MTG2: variants seen among roughly 807,000 people sequenced by gnomAD.
The protein encoded by MTG2 is mitochondrial ribosome associated GTPase 2, also known as mitochondrial ribosome-associated GTPase 2.
A neutral mutation model predicts 28.6 loss-of-function variants in MTG2; 23 were observed. The ratio of observed to expected loss-of-function variants is 0.80; its 90% confidence interval spans 0.58 to 1.14. The LOEUF (loss-of-function observed/expected upper bound fraction) is 1.14, where lower values mean the gene tolerates loss of function less well. MTG2 is among the 50% of genes most tolerant of loss of function. MTG2 has a pLI of 0.00. For missense variants in MTG2, 539 were observed against 552.0 expected, an observed-to-expected ratio of 0.98 and a Z score of 0.24; for synonymous variants, 260 against 251.8, an observed-to-expected ratio of 1.03 and a Z score of -0.31.
In MTG2 at chr20:62,201,095, C is replaced by A. The variant is rs767337108; in HGVS notation, c.*18C>A. 2 of 1,566,410 alleles carry A rather than the reference C, an allele frequency of 1.3e-6. No individual in the cohort carries two copies. The highest frequency in any genetic ancestry group is 2.3e-5 in the South Asian group (2 of 86,204). On this transcript the variant is annotated 3_prime_UTR_variant, in exon 7 of 7. Transcript: ENST00000370823. ...GGTGGTAGCCACGCCAGAGCGGGGT[C>A]GCCTCTGGGCCTCTGTCTGAGCAAA...
chr20:62,194,282 G>A (rs2058018803), intron 2 of MTG2, among the ~76,000 whole-genome samples: 1 of 152,180 alleles, frequency 6.6e-6, no homozygotes, highest in Admixed American at 6.5e-5. Context: ...CTGCTGAATG[G>A]AGGGGCTCCA....
chr20:62,200,811 A>T lies in MTG2; in HGVS notation c.955A>T (p.Thr319Ser). ...GGATCTTTCTCAGCCTGAGCCGTGGACTCAAGTTGACGATTTAAAATATGA... is the reference window on the plus strand; with the variant it reads ...GGATCTTTCTCAGCCTGAGCCGTGGTCTCAAGTTGACGATTTAAAATATGA... The part of the protein sequence containing the change: ...VVDLSQPEPW[T>S]QVDDLKYELE... The change falls in exon 7 of 7, where the codon ACT becomes TCT. Residue 319 changes from threonine (T) to serine (S), a missense_variant. Transcript: ENST00000370823. 6.2e-7 allele frequency: 1 copy of T among 1,613,824 alleles called. No homozygotes were observed. The highest frequency in any genetic ancestry group is 1.3e-5 in the African/African-American group (1 of 75,000).
intron 1 of MTG2, among the ~76,000 whole-genome samples, chr20:62,189,986 T>C (rs947009160): frequency 6.6e-6 from 1 of 152,226 alleles, no homozygotes; most frequent in African/African-American, 2.4e-5. Flanking sequence ...AATGAAATTA[T>C]TTATATGGTT....
chr20:62,199,814 C>A (rs2058132497), intron 6 of MTG2, among the ~76,000 whole-genome samples: 1 of 151,082 alleles, frequency 6.6e-6, no homozygotes, highest in South Asian at 2.1e-4. Context: ...CCTGCCTCAG[C>A]CTCCCAAGTA....
intron 1 of MTG2, among the ~76,000 whole-genome samples, chr20:62,190,864 T>C (rs2057944992): frequency 6.6e-6 from 1 of 152,134 alleles, no homozygotes; most frequent in African/African-American, 2.4e-5. Flanking sequence ...CTGTAAAATA[T>C]ATTTACAGGA....
intron 1 of MTG2, among the ~76,000 whole-genome samples, chr20:62,192,829 A>G (rs766519580): frequency 2.6e-5 from 4 of 152,062 alleles, no homozygotes; most frequent in Non-Finnish European, 4.4e-5. Flanking sequence ...TTCTCATTCT[A>G]TCGGTGCCAC....
chr20:62,194,753 A>T (rs1760053), intron 2 of MTG2, among the ~76,000 whole-genome samples: 2,787 of 152,288 alleles, frequency 0.018, 78 homozygotes, highest in African/African-American at 0.061. Flanking sequence ...CGTGGGCAGA[A>T]GCCAGGTGTC....
chr20:62,191,480 C>T (rs1380764639), intron 1 of MTG2, among the ~76,000 whole-genome samples: 2 of 152,182 alleles, frequency 1.3e-5, no homozygotes, highest in Non-Finnish European at 2.9e-5. Context: ...ACTCTTCTTC[C>T]AGCTTTTCTG....
chr20:62,191,981 C>G (rs904196308), intron 1 of MTG2, among the ~76,000 whole-genome samples: 1 of 152,214 alleles, frequency 6.6e-6, no homozygotes, highest in African/African-American at 2.4e-5. Flanking sequence ...GCTGTGCCAA[C>G]CCTGTCGCTC....
chr20:62,183,628 A>G (rs1306845336), intron 1 of MTG2, among the ~76,000 whole-genome samples: 1 of 152,066 alleles, frequency 6.6e-6, no homozygotes, highest in Non-Finnish European at 1.5e-5. Context: ...TTCTATTCCC[A>G]TTTACGTTCT....
chr20:62,199,331 A>G, intron 6 of MTG2, 74 bp downstream of exon 6: 4 of 1,531,628 alleles, frequency 2.6e-6, no homozygotes, highest in South Asian at 1.2e-5. Flanking sequence ...GTAACTCTTA[A>G]ATTTAGCTTT....
chr20:62,198,852 G>A lies in MTG2; in HGVS notation c.687G>A (p.Met229Ile). ...LELKTVAHAGMVGFPNAGKSS... is the reference protein window; with the variant it reads ...LELKTVAHAGIVGFPNAGKSS... ...TCAAGACGGTGGCCCACGCCGGAAT[G>A]GTAGGTGTCCCCACTGCCAACAGCA... The change falls in exon 5 of 7, where the codon ATG becomes ATA. Residue 229 changes from methionine (M) to isoleucine (I), a missense_variant and splice_region_variant. Transcript: ENST00000370823. The A allele has an allele frequency of 1.9e-6, 3 of 1,613,968 alleles. No individual in the cohort carries two copies. Among genetic ancestry groups the A allele is most frequent in the Non-Finnish European group, 2.5e-6 (3 of 1,180,018 alleles).
Position 62,198,828 on chromosome 20 carries a change from CAA to C in MTG2, c.664_665del (p.Lys222AspfsTer94). On this transcript the variant is annotated frameshift_variant, in exon 5 of 7. Transcript: ENST00000370823. LOFTEE classifies it high-confidence loss of function. Reference sequence around the variant, plus strand: ...AGCAGCGAGTTCTCCACCTGGAGCTCAAGACGGTGGCCCACGCCGGAATGGTA... The same window carrying C: ...AGCAGCGAGTTCTCCACCTGGAGCTCGACGGTGGCCCACGCCGGAATGGTA... ...GQQRVLHLEL[K>X]TVAHAGMVGF... 20 of 1,614,158 alleles carry C rather than the reference CAA, an allele frequency of 1.2e-5. No homozygotes were observed. Among genetic ancestry groups the C allele is most frequent in the Non-Finnish European group, 1.7e-5 (20 of 1,180,058 alleles).
At position 62,199,133 on chromosome 20, in the gene MTG2, C is replaced by T. The variant is rs376556754; in HGVS notation, c.702C>T (p.Asn234=). 611 of 1,613,998 alleles carry T rather than the reference C, an allele frequency of 3.8e-4. No homozygotes were observed. Among genetic ancestry groups the T allele is most frequent in the Non-Finnish European group, 4.6e-4 (541 of 1,180,026 alleles). Residue 234 remains asparagine (N), a synonymous_variant, in exon 6 of 7, where the codon AAC becomes AAT. Coordinates refer to ENST00000370823, the MANE Select transcript of MTG2 (RefSeq NM_015666.4). ...CTTTCCCCCAGGTGGGATTCCCCAA[C>T]GCCGGGAAGTCCTCACTGCTCCGGG... The part of the protein sequence containing the change: ...VAHAGMVGFP[N]AGKSSLLRAI...
At chr20:62,197,327 A>G (rs1054099769) in intron 3 of MTG2, 2 of 152,362 alleles carry the variant, frequency 1.3e-5, no homozygotes, top group African/African-American at 4.8e-5. Context: ...AGCCCAGGAC[A>G]CAGATGTTGC....
At position 62,197,883 on chromosome 20, in the gene MTG2, C is replaced by G. The variant is rs1246749467; in HGVS notation, c.384C>G (p.Val128=). 3 of 1,614,090 alleles carry G rather than the reference C, an allele frequency of 1.9e-6. No individual in the cohort carries two copies. Among genetic ancestry groups the G allele is most frequent in the African/African-American group, 1.3e-5 (1 of 74,934 alleles). Residue 128 remains valine (V), a synonymous_variant, in exon 4 of 7, where the codon GTC becomes GTG. Transcript: ENST00000370823. ...VDQQVKSLSS[V]LSRYQGFSGE... ...AGCAAGTCAAGTCCCTGTCGTCGGT[C>G]CTGTCGCGGTACCAGGGTTTCAGTG...
At chr20:62,185,444 T>C (rs2057823129) in intron 1 of MTG2, among the ~76,000 whole-genome samples, 1 of 146,962 alleles carries the variant, frequency 6.8e-6, no homozygotes, top group East Asian at 2.0e-4. Flanking sequence ...AAAAATAAAA[T>C]ATATACACAT....
rs370874974 is a variant in MTG2 at position 62,199,136 on chromosome 20, C to G, written c.705C>G (p.Ala235=). ...AHAGMVGFPN[A]GKSSLLRAIS... is the part of the protein sequence containing the mutation. Reference sequence around the variant, plus strand: ...TCCCCCAGGTGGGATTCCCCAACGCCGGGAAGTCCTCACTGCTCCGGGCCA... The same window carrying G: ...TCCCCCAGGTGGGATTCCCCAACGCGGGGAAGTCCTCACTGCTCCGGGCCA... The change falls in exon 6 of 7, where the codon GCC becomes GCG. Residue 235 remains alanine, a synonymous_variant. Transcript: ENST00000370823. 6.2e-7 allele frequency: 1 copy of G among 1,614,134 alleles called. No individual in the cohort carries two copies. The highest frequency in any genetic ancestry group is 1.3e-5 in the African/African-American group (1 of 75,062).
chr20:62,189,866 C>T (rs751094438), intron 1 of MTG2, among the ~76,000 whole-genome samples: 2 of 151,886 alleles, frequency 1.3e-5, no homozygotes, highest in East Asian at 1.9e-4. Flanking sequence ...GGTTTCACCA[C>T]GTTGGTCAGG....
Sources: gnomAD v4.1 joint callset for allele counts (sites outside exome capture counted in the v4.1 genomes callset) on GRCh38, gnomAD v4.1.1 for gene constraint, MANE v1.5 for transcripts, NCBI Gene and HGNC (gene_info 2026-07-23, HGNC 2026-07-21) for gene names.